Variants in GPC5 observed in about 807,000 individuals in gnomAD.
The protein encoded by GPC5 is glypican 5.
A neutral mutation model predicts 53.9 loss-of-function variants in GPC5; 47 were observed. The ratio of observed to expected loss-of-function variants is 0.87; its 90% CI spans 0.69 to 1.11. The LOEUF is 1.11. Among genes scored for constraint, GPC5 ranks in the 50% most tolerant of loss-of-function variants. The probability of loss-of-function intolerance (pLI) is 0.00; values close to 1 mark genes in which losing one functional copy is unlikely to be tolerated. For missense variants in GPC5, 748 were observed against 713.1 expected (o/e 1.05, Z -0.56); for synonymous variants, 286 against 263.3 (o/e 1.09, Z -0.84).
At chr13:91,681,293 C>T (rs2035503049) in intron 2 of GPC5, among the ~76,000 whole-genome samples, 2 of 152,060 alleles carry the variant, frequency 1.3e-5, no homozygotes, top group South Asian at 4.1e-4. Context: ...AAAATTTTTA[C>T]CAATAGAGGG....
chr13:91,870,324 G>T (rs1246897457), intron 5 of GPC5, among the ~76,000 whole-genome samples: 2 of 152,130 alleles, frequency 1.3e-5, no homozygotes, highest in African/African-American at 2.4e-5. Flanking sequence ...AGCAATTCTT[G>T]TCCTGAGCCT....
At chr13:92,023,520 G>T (rs2040775675) in intron 6 of GPC5, among the ~76,000 whole-genome samples, 1 of 151,914 alleles carries the variant, frequency 6.6e-6, no homozygotes, top group Admixed American at 6.6e-5. Context: ...GTCATTTGCT[G>T]TTATTCTCAG....
chr13:92,197,664 ATT>A lies in GPC5; in HGVS notation c.1561+52689_1561+52690del, dbSNP rs10710747. On this transcript the variant is annotated intron_variant, in intron 7 of 7. Coordinates refer to ENST00000377067, the MANE Select transcript of GPC5 (RefSeq NM_004466.6). ...AGGGCATCGCCATCACATCTGGCTA[ATT>A]TTTTTTTTTTTTTGTATTTTTGTAT... is the stretch of plus-strand genomic sequence containing the variant. 3.6e-3 allele frequency among the ~76,000 whole-genome samples: 505 copies of A among 141,842 alleles called. 1 individual carries two copies. The highest frequency in any genetic ancestry group is 0.012 in the East Asian group (58 of 4,746). 93.1% of individuals were successfully genotyped at this position (141,842 alleles called of 152,430 possible).
chr13:91,435,450 G>T (rs1055047556), intron 1 of GPC5, among the ~76,000 whole-genome samples: 4 of 152,132 alleles, frequency 2.6e-5, no homozygotes, highest in Non-Finnish European at 5.9e-5. Context: ...TAATCATATG[G>T]TTTTTGTCGT....
At chr13:91,918,131 G>A (rs1168656796) in intron 6 of GPC5, among the ~76,000 whole-genome samples, 1 of 152,130 alleles carries the variant, frequency 6.6e-6, no homozygotes, top group Admixed American at 6.5e-5. Context: ...CCTCTTCACA[G>A]GATGGCAGGA....
chr13:92,106,335 G>C (rs1217441103), intron 6 of GPC5, among the ~76,000 whole-genome samples: 1 of 151,946 alleles, frequency 6.6e-6, no homozygotes, highest in Non-Finnish European at 1.5e-5. Context: ...AAAAATAAAA[G>C]ATTGAGTTAA....
intron 2 of GPC5, among the ~76,000 whole-genome samples, chr13:91,492,081 A>T (rs976330725): frequency 2.0e-5 from 3 of 152,148 alleles, no homozygotes; most frequent in Non-Finnish European, 2.9e-5. Flanking sequence ...CATTAAATTT[A>T]TATATTCTGC....
chr13:91,925,434 C>A (rs571763642), intron 6 of GPC5, among the ~76,000 whole-genome samples: 1 of 152,090 alleles, frequency 6.6e-6, no homozygotes, highest in South Asian at 2.1e-4. Context: ...ATTCACTCAT[C>A]CTTCCATTAA....
intron 7 of GPC5, among the ~76,000 whole-genome samples, chr13:92,259,725 G>A (rs950856094): frequency 6.6e-6 from 1 of 152,136 alleles, no homozygotes; most frequent in Admixed American, 6.6e-5. Flanking sequence ...GCTCTTAGGA[G>A]GAACATGTGA....
chr13:92,284,403 A>T (rs190471721), intron 7 of GPC5, among the ~76,000 whole-genome samples: 1 of 152,332 alleles, frequency 6.6e-6, no homozygotes, highest in Non-Finnish European at 1.5e-5. Context: ...GGCCAGCATC[A>T]TCCTGATACC....
chr13:92,485,842 T>C (rs891149373), intron 7 of GPC5, among the ~76,000 whole-genome samples: 13 of 152,328 alleles, frequency 8.5e-5, no homozygotes, highest in African/African-American at 3.1e-4. Context: ...GGTGGACACC[T>C]GTAATGCCAG....
chr13:92,320,456 C>T (rs1400789014), intron 7 of GPC5, among the ~76,000 whole-genome samples: 1 of 152,108 alleles, frequency 6.6e-6, no homozygotes, highest in South Asian at 2.1e-4. Flanking sequence ...AGCTGTTCAG[C>T]TTTTACCTTT....
intron 2 of GPC5, among the ~76,000 whole-genome samples, chr13:91,562,188 T>TAAAAA (rs10603242): frequency 5.1e-4 from 23 of 45,062 alleles, no homozygotes; most frequent in African/African-American, 1.7e-3. Context: ...GGAGCAACAG[T>TAAAAA]AAAAAAAAAA....
intron 7 of GPC5, among the ~76,000 whole-genome samples, chr13:92,613,667 T>C (rs1442715409): frequency 7.8e-6 from 1 of 127,926 alleles, no homozygotes; most frequent in East Asian, 2.4e-4. Flanking sequence ...TTATATATTT[T>C]ATTATATATA....
At chr13:91,584,073 C>T (rs1400874772) in intron 2 of GPC5, among the ~76,000 whole-genome samples, 5 of 152,026 alleles carry the variant, frequency 3.3e-5, no homozygotes, top group Non-Finnish European at 7.4e-5. Context: ...GAAATTGGGA[C>T]ACATGCACAG....
chr13:92,721,802 AG>A (rs1289255485), intron 7 of GPC5, among the ~76,000 whole-genome samples: 2 of 152,142 alleles, frequency 1.3e-5, no homozygotes, highest in South Asian at 2.1e-4. Context: ...AAGATAACAG[AG>A]GGGGGTTCAT....
chr13:92,751,599 G>C (rs1889400754), intron 7 of GPC5, among the ~76,000 whole-genome samples: 5 of 142,138 alleles, frequency 3.5e-5, no homozygotes, highest in African/African-American at 1.3e-4. Context: ...GCCTGTTGTG[G>C]GGTTGGGGGA....
At chr13:91,501,491 T>C (rs894234676) in intron 2 of GPC5, among the ~76,000 whole-genome samples, 7 of 151,982 alleles carry the variant, frequency 4.6e-5, no homozygotes, top group African/African-American at 1.2e-4. Context: ...TGAAAACATG[T>C]GGTGTTTGGT....
At chr13:91,950,526 A>G (rs1421971358) in intron 6 of GPC5, among the ~76,000 whole-genome samples, 5 of 152,160 alleles carry the variant, frequency 3.3e-5, no homozygotes, top group African/African-American at 7.2e-5. Flanking sequence ...TTTCAGATCT[A>G]CAAATTACTC....
Sources: allele counts gnomAD v4.1 joint callset (sites outside exome capture counted in the v4.1 genomes callset), GRCh38; gene constraint gnomAD v4.1.1; transcripts MANE v1.5; gene names NCBI Gene and HGNC (gene_info 2026-07-23, HGNC 2026-07-21).